The following ASIC2 variants were observed in gnomAD, a reference collection of about 807,000 sequenced individuals.
The protein encoded by ASIC2 is acid-sensing ion channel 2.
Under a neutral mutation model 57.3 loss-of-function variants are expected in ASIC2, and 25 were observed. The ratio of observed to expected loss-of-function variants is 0.44; its 90% confidence interval spans 0.32 to 0.61. The LOEUF is 0.61. Ranked by LOEUF, ASIC2 falls within the 20% of genes least tolerant of loss-of-function variation. The probability of loss-of-function intolerance (pLI) is 0.06; values close to 1 mark genes in which losing one functional copy is unlikely to be tolerated. For synonymous variants in ASIC2, 319 were observed against 307.5 expected (o/e 1.04, Z -0.39); for missense variants, 641 against 738.1 (o/e 0.87, Z 1.52).
chr17:34,088,846 C>A (rs537344939), intron 1 of ASIC2, among the ~76,000 whole-genome samples: 8 of 152,338 alleles, frequency 5.3e-5, no homozygotes, highest in South Asian at 2.1e-4. Context: ...GAGCCACGTG[C>A]GGGATATAAT....
intron 3 of ASIC2, among the ~76,000 whole-genome samples, chr17:33,077,465 C>A (rs1203463859): frequency 6.6e-6 from 1 of 152,048 alleles, no homozygotes; most frequent in Non-Finnish European, 1.5e-5. Context: ...GCAAGACATG[C>A]AAATAACTTA....
intron 1 of ASIC2, among the ~76,000 whole-genome samples, chr17:33,516,485 A>G (rs1181034588): frequency 2.0e-5 from 3 of 152,046 alleles, no homozygotes; most frequent in African/African-American, 7.3e-5. Flanking sequence ...AATGGCACTC[A>G]ACCTAACTAC....
intron 1 of ASIC2, among the ~76,000 whole-genome samples, chr17:33,308,326 C>T (rs1906267151): frequency 6.6e-6 from 1 of 152,162 alleles, no homozygotes. Context: ...GGAAGAAAAC[C>T]CTCCCTGAAG....
chr17:33,402,876 A>T (rs1910332420), intron 1 of ASIC2, among the ~76,000 whole-genome samples: 1 of 152,218 alleles, frequency 6.6e-6, no homozygotes, highest in African/African-American at 2.4e-5. Flanking sequence ...GTCTTCACTG[A>T]TCATTAGAGA....
chr17:33,291,875 C>T lies in ASIC2; in HGVS notation c.241G>A (p.Gly81Ser), dbSNP rs749535115. 3.1e-6 allele frequency: 5 copies of T among 1,607,356 alleles called. No individual in the cohort carries two copies. In the Admixed American group the frequency reaches 5.0e-5, roughly 16 times the overall value. The change falls in exon 1 of 10, where the codon GGC (glycine) becomes AGC (serine). Residue 81 changes from glycine to serine, a missense_variant. This residue lies in a region of ASIC2 where 382 missense variants were observed against 398.0 expected (regional missense o/e 0.96). Coordinates refer to ENST00000225823, the MANE Select transcript of ASIC2 (RefSeq NM_183377.2). Reference sequence around the variant, plus strand: ...CACAGCGCCCGCCGCTGGAAGGAGCCCCCAGCCGCCGTGCGCCCGGCACAC... The same window carrying T: ...CACAGCGCCCGCCGCTGGAAGGAGCTCCCAGCCGCCGTGCGCCCGGCACAC... ...HMCAGRTAAG[G>S]SFQRRALWVL...
At chr17:33,913,398 A>G (rs1461681668) in intron 1 of ASIC2, among the ~76,000 whole-genome samples, 1 of 152,198 alleles carries the variant, frequency 6.6e-6, no homozygotes, top group East Asian at 1.9e-4. Context: ...CTAATAAAAT[A>G]CAATTTATTT....
intron 1 of ASIC2, among the ~76,000 whole-genome samples, chr17:34,027,251 T>C (rs1318270108): frequency 6.6e-6 from 1 of 152,144 alleles, no homozygotes; most frequent in Non-Finnish European, 1.5e-5. Context: ...ATCAGCAGAG[T>C]TTACCCCCAC....
chr17:33,798,468 C>T (rs1408828107), intron 1 of ASIC2, among the ~76,000 whole-genome samples: 2 of 152,092 alleles, frequency 1.3e-5, no homozygotes, highest in African/African-American at 4.8e-5. Context: ...GATGGAACAG[C>T]CCAAAGCACA....
At chr17:33,106,148 G>A (rs2092233493) in intron 2 of ASIC2, among the ~76,000 whole-genome samples, 1 of 152,092 alleles carries the variant, frequency 6.6e-6, no homozygotes, top group South Asian at 2.1e-4. Flanking sequence ...AAGTGAGGGT[G>A]TTCCTGGAAT....
At chr17:33,370,040 T>G (rs80050406) in intron 1 of ASIC2, among the ~76,000 whole-genome samples, 2,525 of 152,280 alleles carry the variant, frequency 0.017, 28 homozygotes, top group Middle Eastern at 0.061. Context: ...CCAGAGATGA[T>G]GCAACCAATG....
At chr17:33,575,601 T>C (rs998458172) in intron 1 of ASIC2, among the ~76,000 whole-genome samples, 1 of 152,186 alleles carries the variant, frequency 6.6e-6, no homozygotes, top group Non-Finnish European at 1.5e-5. Flanking sequence ...TCCAAGAGAA[T>C]TGGCAGCTGG....
chr17:33,095,070 G>T (rs2092172841), intron 2 of ASIC2, among the ~76,000 whole-genome samples: 1 of 152,152 alleles, frequency 6.6e-6, no homozygotes, highest in Admixed American at 6.5e-5. Context: ...CTGTTGTGAG[G>T]CTTAAATGAG....
chr17:33,936,880 A>G (rs1916076854), intron 1 of ASIC2: 1 of 152,314 alleles, frequency 6.6e-6, no homozygotes, highest in Admixed American at 6.5e-5. Context: ...TGTGTACAGC[A>G]AGACTAGAAA....
intron 3 of ASIC2, among the ~76,000 whole-genome samples, chr17:33,031,286 T>G (rs2091882285): frequency 6.6e-6 from 1 of 152,154 alleles, no homozygotes. Flanking sequence ...TCATCTAGAT[T>G]TTTGAATTTG....
At chr17:33,078,513 A>G (rs2092098812) in intron 3 of ASIC2, among the ~76,000 whole-genome samples, 2 of 152,254 alleles carry the variant, frequency 1.3e-5, no homozygotes, top group Non-Finnish European at 2.9e-5. Context: ...TCCATCCTTC[A>G]TTCCATCTAA....
chr17:33,919,252 G>C (rs1915655991), intron 1 of ASIC2, among the ~76,000 whole-genome samples: 1 of 152,156 alleles, frequency 6.6e-6, no homozygotes, highest in Admixed American at 6.5e-5. Flanking sequence ...ATTTTTCCAA[G>C]ATCAGGATTC....
chr17:33,651,260 A>C (rs966903438), intron 1 of ASIC2, among the ~76,000 whole-genome samples: 1 of 152,154 alleles, frequency 6.6e-6, no homozygotes, highest in Non-Finnish European at 1.5e-5. Flanking sequence ...ATCATTTGTT[A>C]TGTTATGAAA....
intron 1 of ASIC2, among the ~76,000 whole-genome samples, chr17:33,122,648 C>T (rs1045557683): frequency 6.6e-6 from 1 of 152,144 alleles, no homozygotes; most frequent in African/African-American, 2.4e-5. Context: ...CTTATCATGT[C>T]TTTGTAGTTT....
intron 1 of ASIC2, among the ~76,000 whole-genome samples, chr17:33,123,672 C>G (rs1346159401): frequency 6.6e-6 from 1 of 152,200 alleles, no homozygotes; most frequent in Non-Finnish European, 1.5e-5. Context: ...CTGGCTATTT[C>G]TGCTCAGGTG....
Sources: gnomAD v4.1 joint callset for allele counts (sites outside exome capture counted in the v4.1 genomes callset) on GRCh38, gnomAD v4.1.1 for gene constraint, gnomAD v4.1.1 regional missense constraint, MANE v1.5 for transcripts, NCBI Gene and HGNC (gene_info 2026-07-23, HGNC 2026-07-21) for gene names.